Variants in SEC16A observed in about 807,000 individuals in gnomAD.
SEC16A encodes protein transport protein Sec16A.
A neutral mutation model predicts 221.9 loss-of-function variants in SEC16A; 110 were observed. The observed-to-expected ratio is 0.50, with a 90% CI of 0.42 to 0.58. SEC16A has a LOEUF of 0.58. SEC16A is among the 20% of genes least tolerant of loss of function. The pLI, the probability that SEC16A is intolerant of heterozygous loss-of-function variation, is 0.00. For missense variants in SEC16A, 3,165 were observed against 3,097.8 expected (o/e 1.02, Z -0.52); for synonymous variants, 1,393 against 1,257.7 (o/e 1.11, Z -2.28).
intron 31 of SEC16A, 118 bp downstream of exon 31, chr9:136,443,704 TA>T (rs1025663864): frequency 1.4e-6 from 1 of 696,936 alleles, no homozygotes; most frequent in African/African-American, 1.8e-5. Context: ...TAAATAAATA[TA>T]TTTTTTAAAA....
chr9:136,473,450 T>C (rs984448141), intron 3 of SEC16A, among the ~76,000 whole-genome samples: 3 of 152,248 alleles, frequency 2.0e-5, no homozygotes, highest in Admixed American at 6.5e-5. Flanking sequence ...CTGGTGTCCC[T>C]GTGAAAAAGA....
In SEC16A at chr9:136,472,033, G is replaced by C. The variant is rs766693055; in HGVS notation, c.3646C>G (p.Pro1216Ala). Residue 1216 changes from proline (P) to alanine (A), a missense_variant, in exon 4 of 32, where the codon CCC becomes GCC. Coordinates refer to ENST00000684901, the MANE Select transcript of SEC16A (RefSeq NM_014866.2). ...CGGGAGCTGGGCCGCTCGGGCTCGG[G>C]ATAGCGGTAGTTCTGGGCGTAAGCA... ...ASAYAQNYRY[P>A]EPERPSSRAS... The C allele has an allele frequency of 1.1e-5, 18 of 1,612,764 alleles. No individual in the cohort carries two copies. The East Asian group carries it at 3.3e-4, about 30-fold the overall frequency.
chr9:136,483,574 C>G, upstream of SEC16A: 1 of 985,338 alleles, frequency 1.0e-6, no homozygotes, highest in South Asian at 4.7e-5. Flanking sequence ...GTACGTCGCC[C>G]TGTTTACGCT....
At chr9:136,460,673 A>AG (rs1839357112) in intron 13 of SEC16A, among the ~76,000 whole-genome samples, 1 of 151,884 alleles carries the variant, frequency 6.6e-6, no homozygotes, top group Non-Finnish European at 1.5e-5. Flanking sequence ...CACTTTCAGA[A>AG]GGCCAAGGCG....
At chr9:136,483,760 A>C, upstream of SEC16A, 1 of 985,214 alleles carries the variant, frequency 1.0e-6, no homozygotes, top group African/African-American at 1.7e-5. Context: ...CGCTCCTCGC[A>C]TTCTTCCGTT....
chr9:136,457,506 C>T lies in SEC16A; in HGVS notation c.5488G>A (p.Ala1830Thr), dbSNP rs761024052. 32 of 1,609,676 alleles carry T rather than the reference C, an allele frequency of 2.0e-5. No homozygotes were observed. The highest frequency in any genetic ancestry group is 2.5e-5 in the Non-Finnish European group (29 of 1,178,012). Residue 1830 changes from alanine (A) to threonine (T), a missense_variant, in exon 18 of 32, where the codon GCG becomes ACG. Physicochemically the swap from Ala to Thr is moderately conservative, Grantham distance 58. Coordinates refer to ENST00000684901, the MANE Select transcript of SEC16A (RefSeq NM_014866.2). ...TQAFHYCEAI[A>T]KSILTQPHLY... is the part of the protein sequence containing the mutation. ...TGCGGCTGCGTCAGGATGCTCTTCG[C>T]GATGGCCTCACAGTAGTGGAAGGCT...
At chr9:136,448,396 G>A in intron 23 of SEC16A, 1 of 683,896 alleles carries the variant, frequency 1.5e-6, no homozygotes, top group Non-Finnish European at 2.7e-6. Flanking sequence ...GATCCACAGA[G>A]ACACCAGGAG....
At position 136,456,148 on chromosome 9, in the gene SEC16A, G is replaced by A. The variant is rs756148425; in HGVS notation, c.5569C>T (p.Leu1857Phe). The change falls in exon 19 of 32, where the codon CTC becomes TTC. Residue 1857 changes from leucine to phenylalanine, a missense_variant. By Grantham distance (22) the Leu-to-Phe change is conservative (BLOSUM62 0). Transcript: ENST00000684901. ...QLVQMASQLR[L>F]FDPQLKEKPE... ...TTCTCTTTCAGCTGGGGATCGAAGA[G>A]TCGTAACTGGGAAGCCATCTAGACA... The A allele has an allele frequency of 1.2e-6, 2 of 1,612,010 alleles. No individual in the cohort carries two copies. Among genetic ancestry groups the A allele is most frequent in the Non-Finnish European group, 1.7e-6 (2 of 1,179,582 alleles).
intron 30 of SEC16A, 54 bp downstream of exon 30, chr9:136,444,998 C>T: frequency 6.5e-7 from 1 of 1,527,690 alleles, no homozygotes; most frequent in Non-Finnish European, 8.9e-7. Context: ...TGCTCAGGAA[C>T]ACAGGCGGCA....
Position 136,447,344 on chromosome 9 carries a change from C to A in SEC16A, c.6580G>T (p.Val2194Phe). ...GTCCCGCTTGGGTTCAGGACGTCAA[C>A]GTAGCGAGCTCTGGTTCCTGCTGCA... ...RRAAGTRARY[V>F]DVLNPSGTQR... Residue 2194 changes from valine to phenylalanine, a missense_variant, in exon 27 of 32, where the codon GTT becomes TTT. Physicochemically the swap from Val to Phe is conservative, Grantham distance 50. Transcript: ENST00000684901. This position sits in a 1 kb window ranked among gnomAD's most constrained non-coding sequence, Gnocchi z 5.5. 1.3e-6 allele frequency: 2 copies of A among 1,598,506 alleles called. No individual in the cohort carries two copies. Among genetic ancestry groups the A allele is most frequent in the Non-Finnish European group, 1.7e-6 (2 of 1,173,310 alleles).
At chr9:136,471,879 C>T in intron 4 of SEC16A, 96 bp downstream of exon 4, 1 of 1,404,482 alleles carries the variant, frequency 7.1e-7, no homozygotes, top group Non-Finnish European at 9.9e-7. Context: ...TTCAGAAATA[C>T]AGAACTTTTT....
In SEC16A at chr9:136,476,612, T is replaced by C. The variant is rs763065889; in HGVS notation, c.1004A>G (p.Asn335Ser). 7 of 1,594,336 alleles carry C rather than the reference T, an allele frequency of 4.4e-6. No individual in the cohort carries two copies. Among genetic ancestry groups the C allele is most frequent in the South Asian group, 1.1e-5 (1 of 88,508 alleles). ...NEHRPASALV[N>S]PLARGDSPEN... is the part of the protein sequence containing the mutation. The stretch of plus-strand genomic sequence containing the variant: ...TGGGCTATCTCCCCGGGCGAGGGGG[T>C]TCACAAGAGCAGAGGCGGGCCGGTG... Residue 335 changes from asparagine to serine, a missense_variant, in exon 3 of 32, where the codon AAC (asparagine) becomes AGC (serine). Asn to Ser is a conservative substitution (Grantham distance 46). Transcript: ENST00000684901.
chr9:136,477,548 C>A lies in SEC16A; in HGVS notation c.68G>T (p.Ser23Ile). 1 of 1,613,418 alleles carries A rather than the reference C, an allele frequency of 6.2e-7. No individual in the cohort carries two copies. The highest frequency in any genetic ancestry group is 8.5e-7 in the Non-Finnish European group (1 of 1,179,812). Residue 23 changes from serine to isoleucine, a missense_variant, in exon 3 of 32, where the codon AGC becomes ATC. By Grantham distance (142) the Ser-to-Ile change is moderately radical (BLOSUM62 -2). Around this residue, in one of 3 missense-constraint regions of SEC16A, gnomAD observed 2,030 missense variants for 1,923.1 expected, o/e 1.06. Coordinates refer to ENST00000684901, the MANE Select transcript of SEC16A (RefSeq NM_014866.2). ...AGPPPAGNPRSVFWASSPYRR... is the reference protein window; with the variant it reads ...AGPPPAGNPRIVFWASSPYRR... ...GTAAGGGCTGCTAGCCCAGAACACG[C>A]TCCGAGGATTCCCGGCTGGAGGTGG... is the stretch of plus-strand genomic sequence containing the variant.
Position 136,460,723 on chromosome 9 carries a change from G to A in SEC16A, c.4991+454C>T, listed in dbSNP as rs528708652. Among the ~76,000 whole-genome samples, 45 of 151,986 alleles carry A rather than the reference G, an allele frequency of 3.0e-4. 1 individual carries two copies. The highest frequency in any genetic ancestry group is 1.0e-3 in the African/African-American group (42 of 41,484). Reference sequence around the variant, plus strand: ...GGCTAGGAGTTTTGAGACCGGCCTGGCCAACATGGCAAAACCCACCTCTAC... The same window carrying A: ...GGCTAGGAGTTTTGAGACCGGCCTGACCAACATGGCAAAACCCACCTCTAC... On this transcript the variant is annotated intron_variant, in intron 13 of 31. Coordinates refer to ENST00000684901, the MANE Select transcript of SEC16A (RefSeq NM_014866.2).
chr9:136,483,517 C>T (rs1842684289), upstream of SEC16A: 2 of 983,494 alleles, frequency 2.0e-6, no homozygotes, highest in South Asian at 4.7e-5. Context: ...CACCGCTTGG[C>T]CCCGCCCCTC....
intron 1 of SEC16A, among the ~76,000 whole-genome samples, 74 bp from the exon 2 acceptor site, chr9:136,478,904 C>A (rs1170028239): frequency 6.6e-6 from 1 of 152,122 alleles, no homozygotes; most frequent in Non-Finnish European, 1.5e-5. Context: ...TAAATATATT[C>A]ATCTAAATGC....
At chr9:136,456,253 A>G (rs2132168136) in intron 18 of SEC16A, 87 bp from the exon 19 acceptor site, 1 of 941,392 alleles carries the variant, frequency 1.1e-6, no homozygotes, top group South Asian at 1.4e-5. Context: ...ATGCAGCTTC[A>G]GTGTTCACTG....
chr9:136,454,857 C>A lies in SEC16A; in HGVS notation c.5858-530G>T, dbSNP rs1036920486. ...ACAGCAATCAACCAGGAAGTGGTAACGGTGTCTGAGGACGAAGCAGACTGG... is the reference window on the plus strand; with the variant it reads ...ACAGCAATCAACCAGGAAGTGGTAAAGGTGTCTGAGGACGAAGCAGACTGG... On this transcript the variant is annotated intron_variant, in intron 20 of 31. Transcript: ENST00000684901. 6.6e-5 allele frequency among the ~76,000 whole-genome samples: 10 copies of A among 152,306 alleles called. No homozygotes were observed. In the East Asian group the frequency reaches 1.9e-3, roughly 29 times the overall value.
At chr9:136,446,132 GTC>G (rs2131814561) in intron 28 of SEC16A, among the ~76,000 whole-genome samples, 1 of 148,374 alleles carries the variant, frequency 6.7e-6, no homozygotes, top group South Asian at 2.2e-4. Context: ...TTGAGATGGA[GTC>G]TGGCTCTGTT....
Sources: gnomAD v4.1 joint callset for allele counts (sites outside exome capture counted in the v4.1 genomes callset) on GRCh38, gnomAD v4.1.1 for gene constraint, gnomAD v4.1.1 regional missense constraint, Gnocchi (gnomAD v3.1) non-coding constraint, MANE v1.5 for transcripts, NCBI Gene and HGNC (gene_info 2026-07-23, HGNC 2026-07-21) for gene names.